NXPH2: variants seen among roughly 807,000 people sequenced by gnomAD.
NXPH2 encodes neurexophilin 2.
NXPH2 carries 5 observed loss-of-function variants against 19.8 expected under a neutral mutation model. That is an observed-to-expected ratio of 0.25 (90% CI 0.13 to 0.53). The LOEUF (loss-of-function observed/expected upper bound fraction) is 0.53. Among genes scored for constraint, NXPH2 ranks in the 20% least tolerant of loss-of-function variants. NXPH2 has a pLI of 0.96. For missense variants in NXPH2, 289 were observed against 322.8 expected (o/e 0.90, Z 0.80); for synonymous variants, 154 against 127.4 (o/e 1.21, Z -1.41).
intron 1 of NXPH2, among the ~76,000 whole-genome samples, chr2:138,730,343 A>C (rs2104999214): frequency 6.6e-6 from 1 of 152,104 alleles, no homozygotes; most frequent in Admixed American, 6.5e-5. Context: ...TACAGGTGTA[A>C]GCCTTTGCAC....
chr2:138,724,032 T>G (rs1681319570), intron 1 of NXPH2, among the ~76,000 whole-genome samples: 1 of 152,050 alleles, frequency 6.6e-6, no homozygotes, highest in Admixed American at 6.6e-5. Context: ...GATTATTTCA[T>G]CACCCAGGTA....
rs537193012 is a variant in NXPH2, at chr2:138,761,889, G to A, written c.51+18302C>T. Among the ~76,000 whole-genome samples, 17 of 152,268 alleles carry A rather than the reference G, an allele frequency of 1.1e-4. No individual in the cohort carries two copies. In the East Asian group the frequency reaches 3.1e-3, roughly 28 times the overall value. The stretch of plus-strand genomic sequence containing the variant: ...TCAGGGAGGATGTCCAGGGAGTAAT[G>A]CTAAACACACAAAAACATCATATTT... On this transcript the variant is annotated intron_variant, in intron 1 of 1. Coordinates refer to ENST00000272641, the MANE Select transcript of NXPH2 (RefSeq NM_007226.3).
At chr2:138,746,201 C>T (rs4305219) in intron 1 of NXPH2, among the ~76,000 whole-genome samples, 3,346 of 152,324 alleles carry the variant, frequency 0.022, 125 homozygotes, top group African/African-American at 0.077. Context: ...TTCAATTTTA[C>T]AAAATAGAGA....
chr2:138,743,820 T>G (rs1681681546), intron 1 of NXPH2, among the ~76,000 whole-genome samples: 1 of 151,986 alleles, frequency 6.6e-6, no homozygotes, highest in African/African-American at 2.4e-5. Context: ...CTGGCCAAGA[T>G]GATGAAACCC....
intron 1 of NXPH2, among the ~76,000 whole-genome samples, chr2:138,691,890 T>A (rs953381363): frequency 3.9e-5 from 6 of 152,172 alleles, no homozygotes; most frequent in Non-Finnish European, 8.8e-5. Context: ...ACCAGCCAAC[T>A]AAGCCCTATC....
chr2:138,768,508 A>G (rs987336277), intron 1 of NXPH2, among the ~76,000 whole-genome samples: 1 of 152,250 alleles, frequency 6.6e-6, no homozygotes, highest in Non-Finnish European at 1.5e-5. Context: ...CAACCAGAAC[A>G]CAGCATCTTA....
At chr2:138,753,049 C>G (rs762780356) in intron 1 of NXPH2, among the ~76,000 whole-genome samples, 4 of 152,088 alleles carry the variant, frequency 2.6e-5, no homozygotes. Context: ...GGTATTGTCT[C>G]GAAGGAAGTT....
At chr2:138,721,289 C>T (rs1332196119) in intron 1 of NXPH2, among the ~76,000 whole-genome samples, 5 of 151,080 alleles carry the variant, frequency 3.3e-5, no homozygotes, top group African/African-American at 9.8e-5. Context: ...TGCAGTGAGC[C>T]GAGATTGCAC....
chr2:138,752,671 C>T (rs1041923068), intron 1 of NXPH2, among the ~76,000 whole-genome samples: 18 of 152,102 alleles, frequency 1.2e-4, no homozygotes, highest in African/African-American at 4.3e-4. Context: ...TCCTAAGGTC[C>T]TTTTCCTGTT....
At chr2:138,751,704 C>T (rs1177771098) in intron 1 of NXPH2, among the ~76,000 whole-genome samples, 1 of 152,094 alleles carries the variant, frequency 6.6e-6, no homozygotes, top group Non-Finnish European at 1.5e-5. Context: ...TGTCAGCTTT[C>T]ATGATGAATT....
Position 138,747,963 on chromosome 2 carries a change from A to G in NXPH2, c.51+32228T>C, listed in dbSNP as rs146471185. 1.8e-3 allele frequency among the ~76,000 whole-genome samples: 272 copies of G among 152,204 alleles called. 10 individuals are homozygous for G. The South Asian group carries it at 0.029, about 16-fold the overall frequency. On this transcript the variant is annotated intron_variant, in intron 1 of 1. Coordinates refer to ENST00000272641, the MANE Select transcript of NXPH2 (RefSeq NM_007226.3). ...CCTTCAGGCTGTCTTTGCTCTGATC[A>G]CTACTTCTGGACTTATTTCTCCAGG...
At chr2:138,719,062 G>T (rs1192672713) in intron 1 of NXPH2, among the ~76,000 whole-genome samples, 1 of 152,130 alleles carries the variant, frequency 6.6e-6, no homozygotes, top group African/African-American at 2.4e-5. Flanking sequence ...CCTGGGGAGA[G>T]AATTAGAGAT....
At chr2:138,729,020 T>A (rs567912106) in intron 1 of NXPH2, among the ~76,000 whole-genome samples, 1 of 152,330 alleles carries the variant, frequency 6.6e-6, no homozygotes, top group Non-Finnish European at 1.5e-5. Context: ...CTATTTCTTT[T>A]CATACATATT....
chr2:138,717,807 A>G (rs1442938891), intron 1 of NXPH2, among the ~76,000 whole-genome samples: 2 of 152,204 alleles, frequency 1.3e-5, no homozygotes, highest in East Asian at 3.9e-4. Context: ...AAACAACTCT[A>G]AAAATTCTAA....
intron 1 of NXPH2, among the ~76,000 whole-genome samples, chr2:138,754,962 C>T (rs1294311097): frequency 6.6e-6 from 1 of 152,076 alleles, no homozygotes; most frequent in African/African-American, 2.4e-5. Flanking sequence ...TCATGAATGA[C>T]AAATGATGTT....
chr2:138,716,667 T>C (rs1681200571), intron 1 of NXPH2, among the ~76,000 whole-genome samples: 1 of 152,198 alleles, frequency 6.6e-6, no homozygotes, highest in South Asian at 2.1e-4. Flanking sequence ...TTATCCTGAG[T>C]AGCCCCTTAT....
chr2:138,764,465 A>G (rs1019551098), intron 1 of NXPH2, among the ~76,000 whole-genome samples: 1 of 152,194 alleles, frequency 6.6e-6, no homozygotes, highest in Non-Finnish European at 1.5e-5. Flanking sequence ...CAATCATCTC[A>G]ATTTGCAGAA....
At chr2:138,686,307 T>C (rs935188493) in intron 1 of NXPH2, among the ~76,000 whole-genome samples, 8 of 152,120 alleles carry the variant, frequency 5.3e-5, no homozygotes, top group African/African-American at 1.9e-4. Context: ...GTCTCAGAAG[T>C]CCTGGAAAAG....
intron 1 of NXPH2, among the ~76,000 whole-genome samples, chr2:138,745,855 A>G (rs978964416): frequency 6.6e-6 from 1 of 152,222 alleles, no homozygotes; most frequent in African/African-American, 2.4e-5. Context: ...GTTTAGTTGT[A>G]TCTATCTCTA....
Sources: gnomAD v4.1 joint callset for allele counts (sites outside exome capture counted in the v4.1 genomes callset) on GRCh38, gnomAD v4.1.1 for gene constraint, MANE v1.5 for transcripts, NCBI Gene and HGNC (gene_info 2026-07-23, HGNC 2026-07-21) for gene names.